GALNT9: variants seen among roughly 807,000 people sequenced by gnomAD.
The protein encoded by GALNT9 is GalNAc transferase 9.
A neutral mutation model predicts 63.1 loss-of-function variants in GALNT9; 47 were observed. That is an observed-to-expected ratio of 0.75 (90% CI 0.59 to 0.95). GALNT9 has a LOEUF of 0.95. Among genes scored for constraint, GALNT9 ranks in the 40% least tolerant of loss-of-function variants. The pLI is 0.00. For missense variants in GALNT9, 829 were observed against 874.8 expected (o/e 0.95, Z 0.66); for synonymous variants, 396 against 365.7 (o/e 1.08, Z -0.94).
intron 1 of GALNT9, among the ~76,000 whole-genome samples, chr12:132,308,835 C>T (rs554262486): frequency 2.6e-5 from 4 of 151,996 alleles, no homozygotes; most frequent in East Asian, 1.9e-4. Context: ...ACCTCACCCA[C>T]GGGGCTCGGG....
chr12:132,198,242 C>T (rs1330173129), intron 9 of GALNT9, among the ~76,000 whole-genome samples: 1 of 152,262 alleles, frequency 6.6e-6, no homozygotes, highest in Non-Finnish European at 1.5e-5. Context: ...GTGGCTCAGA[C>T]CCAGAGCGCG....
chr12:132,300,133 C>T (rs1313022888), intron 1 of GALNT9, among the ~76,000 whole-genome samples: 5 of 148,758 alleles, frequency 3.4e-5, no homozygotes, highest in South Asian at 4.3e-4. Flanking sequence ...CCACACCTAA[C>T]CCATCCCTGA....
chr12:132,274,553 T>C (rs960806119), intron 2 of GALNT9: 1 of 152,256 alleles, frequency 6.6e-6, no homozygotes, highest in Non-Finnish European at 1.5e-5. Context: ...CCGCCTCATC[T>C]CGGGACCCAG....
At chr12:132,247,245 C>T (rs1878737905) in intron 6 of GALNT9, among the ~76,000 whole-genome samples, 1 of 152,214 alleles carries the variant, frequency 6.6e-6, no homozygotes, top group Admixed American at 6.5e-5. Flanking sequence ...GAGCCTCACA[C>T]CCACCCTCTG....
At chr12:132,247,559 C>G (rs1555238076) in intron 6 of GALNT9, 1 of 494,964 alleles carries the variant, frequency 2.0e-6, no homozygotes, top group Admixed American at 2.3e-5. Flanking sequence ...GGACCTCACC[C>G]TGTCCCTAGA....
At chr12:132,197,353 A>G in intron 10 of GALNT9, 100 bp from the exon 11 acceptor site, 15 of 1,520,898 alleles carry the variant, frequency 9.9e-6, no homozygotes, top group South Asian at 1.3e-5. Context: ...CCTCGTGCTC[A>G]TTCTTGGGGC....
chr12:132,297,804 A>G (rs1433479866), intron 1 of GALNT9, among the ~76,000 whole-genome samples: 6 of 151,770 alleles, frequency 4.0e-5, no homozygotes, highest in African/African-American at 1.5e-4. Context: ...ACTCACTCTC[A>G]TAATAACCAA....
intron 2 of GALNT9, among the ~76,000 whole-genome samples, chr12:132,271,794 C>T (rs1879876205): frequency 6.6e-6 from 1 of 152,096 alleles, no homozygotes. Context: ...GAGCCCCGCA[C>T]AGAACGTGCA....
intron 8 of GALNT9, chr12:132,200,520 C>T (rs1875964051): frequency 6.6e-6 from 1 of 152,488 alleles, no homozygotes; most frequent in African/African-American, 2.4e-5. Flanking sequence ...CATTATTTTG[C>T]TTGATAACAA....
At chr12:132,291,616 GCACCCACGTCCACACCA>G (rs1880854676) in intron 1 of GALNT9, among the ~76,000 whole-genome samples, 2 of 92,776 alleles carry the variant, frequency 2.2e-5, no homozygotes, top group African/African-American at 5.0e-5. Flanking sequence ...CACCTCCACA[GCACCCACGTCCACACCA>G]CCCACATCCA....
intron 6 of GALNT9, among the ~76,000 whole-genome samples, chr12:132,237,886 C>T (rs1243606227): frequency 1.3e-5 from 2 of 152,128 alleles, no homozygotes; most frequent in African/African-American, 4.8e-5. Flanking sequence ...GCATGTGACC[C>T]AAAACCTCTG....
At position 132,226,609 on chromosome 12, in the gene GALNT9, C is replaced by G. The variant is rs1342792979; in HGVS notation, c.1077+21301G>C. On this transcript the variant is annotated intron_variant, in intron 6 of 10. Coordinates refer to ENST00000328957, the MANE Select transcript of GALNT9 (RefSeq NM_001122636.2). ...ACACATACACACCACACACCCCACA[C>G]CCCACTGTATATACACACCCCACAT... Among the ~76,000 whole-genome samples, 3 of 146,250 alleles carry G rather than the reference C, an allele frequency of 2.1e-5. No homozygotes were observed. In the South Asian group the frequency reaches 6.6e-4, roughly 32 times the overall value.
At chr12:132,291,016 C>G (rs1453048880) in intron 1 of GALNT9, among the ~76,000 whole-genome samples, 6 of 58,106 alleles carry the variant, frequency 1.0e-4, no homozygotes, top group Admixed American at 2.3e-4. Context: ...CACGTCCACA[C>G]CACCCACATC....
chr12:132,230,707 C>T (rs1322656421), intron 6 of GALNT9, among the ~76,000 whole-genome samples: 1 of 152,226 alleles, frequency 6.6e-6, no homozygotes, highest in East Asian at 1.9e-4. Context: ...GTAGCTGGGA[C>T]ACGGCATATT....
chr12:132,310,251 C>T lies in GALNT9; in HGVS notation c.238+18715G>A, dbSNP rs1456429035. 5.3e-5 allele frequency among the ~76,000 whole-genome samples: 8 copies of T among 152,184 alleles called. No individual in the cohort carries two copies. The highest frequency in any genetic ancestry group is 1.2e-4 in the Non-Finnish European group (8 of 68,028). ...GGTGCCACCAGCCCTCCAGGTCTCA[C>T]CGGCCACACCGCGGTTCGGCATTTC... is the stretch of plus-strand genomic sequence containing the variant. On this transcript the variant is annotated intron_variant, in intron 1 of 10. Transcript: ENST00000328957. This position sits in a 1 kb window ranked among gnomAD's most constrained non-coding sequence, Gnocchi z 4.8.
chr12:132,287,372 T>C (rs1406953606), intron 1 of GALNT9, among the ~76,000 whole-genome samples: 2 of 151,998 alleles, frequency 1.3e-5, no homozygotes, highest in Non-Finnish European at 2.9e-5. Flanking sequence ...GGCTCTAAGA[T>C]TAGGTATTTT....
intron 1 of GALNT9, among the ~76,000 whole-genome samples, chr12:132,291,128 C>G (rs1880811493): frequency 1.8e-5 from 1 of 54,742 alleles, no homozygotes; most frequent in Non-Finnish European, 3.4e-5. Context: ...ACAGCACCCA[C>G]ATCCACAGCA....
chr12:132,200,779 G>T (rs1330015502), intron 8 of GALNT9: 2 of 249,498 alleles, frequency 8.0e-6, no homozygotes, highest in Non-Finnish European at 1.5e-5. Flanking sequence ...TAGGTACATT[G>T]AATCAGGCAT....
chr12:132,235,109 C>G lies in GALNT9; in HGVS notation c.1077+12801G>C, dbSNP rs1274037413. Among the ~76,000 whole-genome samples the G allele has an allele frequency of 2.2e-3, 138 of 61,514 alleles. 12 individuals carry two copies. Among genetic ancestry groups the G allele is most frequent in the African/African-American group, 7.5e-3 (83 of 11,090 alleles). The allele number at this position is 61,514 out of a possible 152,430, so 40.4% of individuals were successfully genotyped here. ...GTCCCTAGTGCCACACACTCGATGG[C>G]GTGAGAGAGGAGACAGCGTGGAGTC... On this transcript the variant is annotated intron_variant, in intron 6 of 10. Transcript: ENST00000328957.
Sources: gnomAD v4.1 joint callset for allele counts (sites outside exome capture counted in the v4.1 genomes callset) on GRCh38, gnomAD v4.1.1 for gene constraint, Gnocchi (gnomAD v3.1) non-coding constraint, MANE v1.5 for transcripts, NCBI Gene and HGNC (gene_info 2026-07-23, HGNC 2026-07-21) for gene names.